OR4P4: variants seen among roughly 807,000 people sequenced by gnomAD.
OR4P4 encodes olfactory receptor 4P4.
OR4P4 carries 1 observed loss-of-function variant against 2.1 expected under a neutral mutation model. The ratio of observed to expected loss-of-function variants is 0.47; its 90% CI spans 0.17 to 2.21. The LOEUF (loss-of-function observed/expected upper bound fraction) is 2.21. Among genes scored for constraint, OR4P4 ranks in the 30% most tolerant of loss-of-function variants. The probability of loss-of-function intolerance (pLI) is 0.27; values close to 1 mark genes in which losing one functional copy is unlikely to be tolerated. For synonymous variants in OR4P4, 129 were observed against 133.2 expected (o/e 0.97, Z 0.22); for missense variants, 375 against 376.5 (o/e 1.00, Z 0.03).
Position 55,638,954 on chromosome 11 carries a change from T to C in OR4P4, c.597T>C (p.Ala199=), listed in dbSNP as rs562558035. The C allele has an allele frequency of 4.7e-5, 70 of 1,485,948 alleles. 13 individuals carry two copies. Among genetic ancestry groups the C allele is most frequent in the Middle Eastern group, 1.9e-4 (1 of 5,244 alleles). The allele number at this position is 1,485,948 out of a possible 1,614,324, so 92.0% of individuals were successfully genotyped here. A position where few individuals can be genotyped will look rare whatever the true frequency, so the allele number is the denominator to read the frequency against. ...ACATGATAGGTCTCTTAGTCATTGCTAATTCAGGCTTAATTGCTTTGGTGA... is the reference window on the plus strand; with the variant it reads ...ACATGATAGGTCTCTTAGTCATTGCCAATTCAGGCTTAATTGCTTTGGTGA... The change falls in exon 2 of 2, where the codon GCT becomes GCC. Residue 199 remains alanine (A), a synonymous_variant. Transcript: ENST00000641760.
At chr11:55,636,195 C>T (rs1478333917) in intron 1 of OR4P4, among the ~76,000 whole-genome samples, 1 of 137,118 alleles carries the variant, frequency 7.3e-6, no homozygotes, top group Non-Finnish European at 1.6e-5. Flanking sequence ...ATCACTTTTC[C>T]CCCAGCAATT....
exon 2 of OR4P4, chr11:55,639,853 C>A (rs956659631): frequency 2.2e-5 from 3 of 137,300 alleles, no homozygotes; most frequent in African/African-American, 7.6e-5. Context: ...AAATAGTTTT[C>A]GGCTGGGCAC....
At chr11:55,635,921 T>C (rs559164223) in intron 1 of OR4P4, among the ~76,000 whole-genome samples, 53 of 137,532 alleles carry the variant, frequency 3.9e-4, no homozygotes, top group African/African-American at 1.3e-3. Flanking sequence ...AGATGACATA[T>C]TCTAGAAAAA....
At chr11:55,639,756 A>C (rs114483138) in exon 2 of OR4P4, 2,657 of 143,324 alleles carry the variant, frequency 0.019, 315 homozygotes, top group African/African-American at 0.061. Flanking sequence ...ATTAAGAGAC[A>C]GAAATTATCA....
intron 1 of OR4P4, among the ~76,000 whole-genome samples, chr11:55,635,976 C>T (rs1459179116): frequency 7.3e-6 from 1 of 137,454 alleles, no homozygotes; most frequent in Non-Finnish European, 1.6e-5. Flanking sequence ...TCTTGGAGAA[C>T]TGCATGTGAG....
At chr11:55,639,161 G>A (rs1858428814) in exon 2 of OR4P4, 1 of 1,492,938 alleles carries the variant, frequency 6.7e-7, no homozygotes, top group Non-Finnish European at 9.1e-7. Flanking sequence ...AAGATAAAGT[G>A]TTTGCCCTTT....
rs1858409028 is a variant in OR4P4, at chr11:55,638,064, G to T, written c.-30-264G>T. 2.2e-5 allele frequency among the ~76,000 whole-genome samples: 3 copies of T among 137,338 alleles called. 1 individual carries two copies. The highest frequency in any genetic ancestry group is 4.8e-4 in the South Asian group (2 of 4,142). The allele number at this position is 137,338 out of a possible 152,430, so 90.1% of individuals were successfully genotyped here. ...TTGGAAATAAACATTCCCTATGATAGAATTTTAATATTGTTGATTGAACAA... is the reference window on the plus strand; with the variant it reads ...TTGGAAATAAACATTCCCTATGATATAATTTTAATATTGTTGATTGAACAA... On this transcript the variant is annotated intron_variant, in intron 1 of 1. Transcript: ENST00000641760.
chr11:55,637,854 C>T (rs1014966097), intron 1 of OR4P4, among the ~76,000 whole-genome samples: 1 of 137,756 alleles, frequency 7.3e-6, no homozygotes, highest in Non-Finnish European at 1.6e-5. Context: ...CAATCAAATC[C>T]CATTTGTTGA....
At chr11:55,639,290 T>C (rs777263039) in exon 2 of OR4P4, 2 of 1,407,126 alleles carry the variant, frequency 1.4e-6, no homozygotes, top group East Asian at 5.3e-5. Flanking sequence ...GAAATCAACT[T>C]TTCTGAATTG....
chr11:55,638,857 G>A lies in OR4P4; in HGVS notation c.500G>A (p.Cys167Tyr), dbSNP rs767853908. Residue 167 changes from cysteine to tyrosine, a missense_variant, in exon 2 of 2, where the codon TGT (cysteine) becomes TAT (tyrosine). By Grantham distance (194) the Cys-to-Tyr change is radical. Transcript: ENST00000641760. The stretch of plus-strand genomic sequence containing the variant: ...CTTCTCACCATCTTTGTACCATTTT[G>A]TGGCCCAAATGAGATAGATCACTAC... 1.9e-5 allele frequency: 29 copies of A among 1,493,320 alleles called. 7 individuals carry two copies. The highest frequency in any genetic ancestry group is 2.6e-5 in the Non-Finnish European group (29 of 1,098,348). The allele number at this position is 1,493,320 out of a possible 1,614,324, so 92.5% of individuals were successfully genotyped here.
rs115680281 is a variant in OR4P4 at position 55,635,414 on chromosome 11, C to T, written c.-31+198C>T. Among the ~76,000 whole-genome samples, 5 of 137,806 alleles carry T rather than the reference C, an allele frequency of 3.6e-5. 2 individuals are homozygous for T. Among genetic ancestry groups the T allele is most frequent in the African/African-American group, 1.3e-4 (5 of 39,940 alleles). The allele number at this position is 137,806 out of a possible 152,430, so 90.4% of individuals were successfully genotyped here. ...GTAGTTTTTGAAAACAAGGCAAGTA[C>T]TCCTCTTGCCTTCAAACTTTTTTTT... On this transcript the variant is annotated intron_variant, in intron 1 of 1. Transcript: ENST00000641760.
Position 55,638,397 on chromosome 11 carries a change from G to A in OR4P4, c.40G>A (p.Gly14Arg), listed in dbSNP as rs745457184. ...TAATAGCACTTTGTTTATTCTCTTGGGGTTTTCCCAAAATAAGAACATTGA... is the reference window on the plus strand; with the variant it reads ...TAATAGCACTTTGTTTATTCTCTTGAGGTTTTCCCAAAATAAGAACATTGA... The change falls in exon 2 of 2, where the codon GGG (glycine) becomes AGG (arginine). Residue 14 changes from glycine to arginine, a missense_variant. Physicochemically the swap from Gly to Arg is moderately radical, Grantham distance 125. Coordinates refer to ENST00000641760, the Ensembl canonical transcript of OR4P4. The A allele has an allele frequency of 4.8e-6, 7 of 1,445,670 alleles. 1 individual carries two copies. The East Asian group carries it at 1.0e-4, about 21-fold the overall frequency. 89.6% of individuals were successfully genotyped at this position (1,445,670 alleles called of 1,614,324 possible). A position where few individuals can be genotyped will look rare whatever the true frequency, so the allele number is the denominator to read the frequency against.
chr11:55,637,294 A>G (rs1403560846), intron 1 of OR4P4, among the ~76,000 whole-genome samples: 1 of 138,378 alleles, frequency 7.2e-6, no homozygotes, highest in East Asian at 2.3e-4. Flanking sequence ...GTTTTAAATA[A>G]CATACATAAA....
exon 2 of OR4P4, chr11:55,640,082 C>G (rs532886271): frequency 7.5e-6 from 1 of 133,976 alleles, no homozygotes; most frequent in Non-Finnish European, 1.6e-5. Flanking sequence ...TGCAGTGAGC[C>G]GAGATCATGC....
chr11:55,636,829 C>G (rs575218884), intron 1 of OR4P4, among the ~76,000 whole-genome samples: 1 of 137,846 alleles, frequency 7.3e-6, no homozygotes, highest in South Asian at 2.4e-4. Flanking sequence ...TCTAAGTACA[C>G]AGAGGAAGAC....
intron 1 of OR4P4, 36 bp downstream of exon 1, chr11:55,635,252 A>T (rs1858374738): frequency 7.2e-6 from 1 of 137,974 alleles, no homozygotes; most frequent in South Asian, 2.3e-4. Context: ...TAAATAATTA[A>T]CTGTAAGTAA....
chr11:55,639,295 G>T (rs1858431575), exon 2 of OR4P4: 1 of 1,389,602 alleles, frequency 7.2e-7, no homozygotes, highest in East Asian at 2.7e-5. Flanking sequence ...CAACTTTTCT[G>T]AATTGTTTCT....
chr11:55,639,270 C>A lies in OR4P4; in HGVS notation c.913C>A (p.Leu305Ile). ...GAGGAAAGTGTGGTGTTGTCAAATA[C>A]TCCTGAAAAGAAATCAACTTTTCTG... The change falls in exon 2 of 2, where the codon CTC becomes ATC. Residue 305 changes from leucine (L) to isoleucine (I), a missense_variant. Transcript: ENST00000641760. 2.7e-6 allele frequency: 4 copies of A among 1,455,998 alleles called. 1 individual carries two copies. The highest frequency in any genetic ancestry group is 3.7e-6 in the Non-Finnish European group (4 of 1,076,134). The allele number at this position is 1,455,998 out of a possible 1,614,324, so 90.2% of individuals were successfully genotyped here.
At chr11:55,637,905 G>A (rs1361187242) in intron 1 of OR4P4, among the ~76,000 whole-genome samples, 4 of 137,924 alleles carry the variant, frequency 2.9e-5, no homozygotes, top group African/African-American at 1.0e-4. Flanking sequence ...TTAATTCAAT[G>A]AATTTTCTAC....
Sources: gnomAD v4.1 joint callset for allele counts (sites outside exome capture counted in the v4.1 genomes callset) on GRCh38, gnomAD v4.1.1 for gene constraint, MANE v1.5 for transcripts, NCBI Gene and HGNC (gene_info 2026-07-23, HGNC 2026-07-21) for gene names.